The following PLPPR1 variants were observed in gnomAD, a reference collection of about 807,000 sequenced individuals.
PLPPR1 encodes the protein phospholipid phosphatase-related protein type 1.
PLPPR1 carries 10 observed loss-of-function variants against 33.1 expected under a neutral mutation model. The ratio of observed to expected loss-of-function variants is 0.30; its 90% confidence interval spans 0.19 to 0.51. The LOEUF (loss-of-function observed/expected upper bound fraction) is 0.51, where lower values mean the gene tolerates loss of function less well. Among genes scored for constraint, PLPPR1 ranks in the 20% least tolerant of loss-of-function variants. The probability of loss-of-function intolerance (pLI) is 0.97; values close to 1 mark genes in which losing one functional copy is unlikely to be tolerated. For missense variants in PLPPR1, 304 were observed against 408.1 expected, an observed-to-expected ratio of 0.74 and a Z score of 2.20; for synonymous variants, 151 against 151.0, an observed-to-expected ratio of 1.00 and a Z score of 0.00.
chr9:101,271,821 G>A (rs1195470729), intron 3 of PLPPR1, among the ~76,000 whole-genome samples: 1 of 151,968 alleles, frequency 6.6e-6, no homozygotes, highest in Non-Finnish European at 1.5e-5. Context: ...CCCAGTCTCA[G>A]GAAATTTCAT....
At chr9:101,294,356 C>T (rs1474242190) in intron 4 of PLPPR1, among the ~76,000 whole-genome samples, 21 of 151,756 alleles carry the variant, frequency 1.4e-4, no homozygotes, top group South Asian at 1.1e-3. Flanking sequence ...GATTCACAGC[C>T]GAATTCTACC....
At chr9:101,069,068 G>A (rs1830452764) in intron 1 of PLPPR1, among the ~76,000 whole-genome samples, 1 of 152,000 alleles carries the variant, frequency 6.6e-6, no homozygotes, top group Middle Eastern at 3.4e-3. Context: ...CTTCCCTAGT[G>A]GCTGTTGTTA....
intron 1 of PLPPR1, among the ~76,000 whole-genome samples, chr9:101,116,337 T>C (rs753676370): frequency 9.9e-5 from 15 of 152,256 alleles, no homozygotes; most frequent in Non-Finnish European, 1.8e-4. Context: ...ACAAAAGGAA[T>C]GGGTAATGTA....
Position 101,309,314 on chromosome 9 carries a change from C to T in PLPPR1, c.489C>T (p.Asn163=). Residue 163 remains asparagine, a synonymous_variant, in exon 5 of 8, where the codon AAC becomes AAT. Coordinates refer to ENST00000374874, the MANE Select transcript of PLPPR1 (RefSeq NM_207299.2). The part of the protein sequence containing the change: ...TPYFLTVCKP[N]YTSADCQAHH... ...ACTTCCTGACTGTGTGCAAGCCAAA[C>T]TACACCAGTGCAGACTGCCAAGCGC... 6.2e-7 allele frequency: 1 copy of T among 1,614,194 alleles called. No individual in the cohort carries two copies. The highest frequency in any genetic ancestry group is 8.5e-7 in the Non-Finnish European group (1 of 1,180,044).
intron 1 of PLPPR1, among the ~76,000 whole-genome samples, chr9:101,171,221 T>A (rs1172836776): frequency 6.6e-6 from 1 of 152,078 alleles, no homozygotes; most frequent in East Asian, 1.9e-4. Context: ...GAGGTATTTG[T>A]GATGCACCAG....
chr9:101,131,755 A>G (rs1017512538), intron 1 of PLPPR1: 3 of 152,260 alleles, frequency 2.0e-5, no homozygotes, highest in African/African-American at 7.2e-5. Flanking sequence ...ACAGGTAGTG[A>G]AGAACTTCGC....
At chr9:101,319,541 C>T (rs986359460) in intron 7 of PLPPR1, among the ~76,000 whole-genome samples, 6 of 152,206 alleles carry the variant, frequency 3.9e-5, no homozygotes, top group Non-Finnish European at 2.9e-5. Context: ...TCCATTAATA[C>T]AGTACCAAGT....
chr9:101,267,773 G>A (rs1323736035), intron 2 of PLPPR1, among the ~76,000 whole-genome samples: 1 of 151,342 alleles, frequency 6.6e-6, no homozygotes, highest in Non-Finnish European at 1.5e-5. Context: ...AGGCCGAGGT[G>A]GGTGGATCAT....
intron 1 of PLPPR1, among the ~76,000 whole-genome samples, chr9:101,159,459 T>C (rs532474803): frequency 1.8e-4 from 27 of 152,336 alleles, no homozygotes; most frequent in African/African-American, 6.0e-4. Context: ...TTAATCTACT[T>C]ACTAAATATC....
chr9:101,082,950 C>T (rs1830638205), intron 1 of PLPPR1, among the ~76,000 whole-genome samples: 1 of 152,076 alleles, frequency 6.6e-6, no homozygotes, highest in South Asian at 2.1e-4. Context: ...CCCTGATTTT[C>T]ATTGCTGTCA....
At chr9:101,128,717 T>G (rs1214617528) in intron 1 of PLPPR1, among the ~76,000 whole-genome samples, 1 of 152,194 alleles carries the variant, frequency 6.6e-6, no homozygotes, top group African/African-American at 2.4e-5. Context: ...ACTTCTCTGG[T>G]GAGAGCTTTG....
intron 1 of PLPPR1, among the ~76,000 whole-genome samples, chr9:101,088,858 TGAAATTACAACATTAAATG>T (rs1325703661): frequency 6.6e-6 from 1 of 152,154 alleles, no homozygotes; most frequent in Non-Finnish European, 1.5e-5. Context: ...TCCTTTATAA[TGAAATTACAACATTAAATG>T]GAAAGTAACA....
chr9:101,311,145 C>T (rs1427120021), intron 5 of PLPPR1, among the ~76,000 whole-genome samples: 6 of 151,272 alleles, frequency 4.0e-5, no homozygotes, highest in South Asian at 2.1e-4. Flanking sequence ...TTTTATAGTA[C>T]CATTATAAAA....
In PLPPR1 at chr9:101,288,649, A is replaced by C. The variant is rs116088917; in HGVS notation, c.385+2413A>C. Among the ~76,000 whole-genome samples, 1,463 of 152,284 alleles carry C rather than the reference A, an allele frequency of 9.6e-3. 17 individuals carry two copies. The highest frequency in any genetic ancestry group is 0.031 in the African/African-American group (1,300 of 41,540). ...CTAGGATCCACCCAGTTGCTCAAGT[A>C]AAAAACCTGAGAGACACCTTACGCC... On this transcript the variant is annotated intron_variant, in intron 4 of 7. Transcript: ENST00000374874.
intron 2 of PLPPR1, among the ~76,000 whole-genome samples, chr9:101,192,550 C>T (rs531598150): frequency 3.9e-5 from 6 of 152,198 alleles, no homozygotes; most frequent in African/African-American, 1.4e-4. Context: ...AAAAACGTGG[C>T]TGTACCTGAA....
At chr9:101,166,314 C>A (rs184111306) in intron 1 of PLPPR1, among the ~76,000 whole-genome samples, 21 of 152,264 alleles carry the variant, frequency 1.4e-4, no homozygotes, top group Non-Finnish European at 1.6e-4. Flanking sequence ...GTTTCCTGGC[C>A]CCCTAGCCTA....
chr9:101,159,270 GATATAA>G (rs1405584434), intron 1 of PLPPR1, among the ~76,000 whole-genome samples: 2 of 152,146 alleles, frequency 1.3e-5, no homozygotes, highest in African/African-American at 4.8e-5. Flanking sequence ...TTACTACAGA[GATATAA>G]ATATAGGCAT....
At chr9:101,193,530 G>A (rs1316306313) in intron 2 of PLPPR1, among the ~76,000 whole-genome samples, 1 of 152,118 alleles carries the variant, frequency 6.6e-6, no homozygotes, top group Admixed American at 6.5e-5. Flanking sequence ...CTTTGCTCTT[G>A]TCAACATTTT....
chr9:101,228,804 C>T (rs1484489477), intron 2 of PLPPR1, among the ~76,000 whole-genome samples: 2 of 151,998 alleles, frequency 1.3e-5, no homozygotes, highest in Non-Finnish European at 2.9e-5. Flanking sequence ...GGCAACTGGA[C>T]AAAGTAGCAG....
Sources: gnomAD v4.1 joint callset for allele counts (sites outside exome capture counted in the v4.1 genomes callset) on GRCh38, gnomAD v4.1.1 for gene constraint, MANE v1.5 for transcripts, NCBI Gene and HGNC (gene_info 2026-07-23, HGNC 2026-07-21) for gene names.